TSPAN5: variants seen among roughly 807,000 people sequenced by gnomAD.
The protein encoded by TSPAN5 is tetraspanin 5.
Under a neutral mutation model 37.1 loss-of-function variants are expected in TSPAN5, and 10 were observed. That is an observed-to-expected ratio of 0.27 (90% CI 0.17 to 0.46). The LOEUF (loss-of-function observed/expected upper bound fraction) is 0.46, where lower values mean the gene tolerates loss of function less well. TSPAN5 is among the 20% of genes least tolerant of loss of function. The pLI, the probability that TSPAN5 is intolerant of heterozygous loss-of-function variation, is 1.00. For missense variants in TSPAN5, 195 were observed against 326.6 expected (o/e 0.60, Z 3.11); for synonymous variants, 110 against 118.9 (o/e 0.93, Z 0.48).
intron 1 of TSPAN5, among the ~76,000 whole-genome samples, chr4:98,604,116 C>G (rs1197890529): frequency 6.6e-6 from 1 of 151,966 alleles, no homozygotes; most frequent in Non-Finnish European, 1.5e-5. Flanking sequence ...ATTTCAATCA[C>G]GCAGCACTGC....
intron 2 of TSPAN5, among the ~76,000 whole-genome samples, chr4:98,495,314 G>A (rs1480990194): frequency 1.7e-4 from 26 of 152,288 alleles, no homozygotes. Context: ...TGGATCAAGA[G>A]GTCAGGAGAT....
chr4:98,625,674 C>A (rs759357825), intron 1 of TSPAN5, among the ~76,000 whole-genome samples: 4 of 152,172 alleles, frequency 2.6e-5, no homozygotes, highest in Non-Finnish European at 2.9e-5. Context: ...TGGCTTCATC[C>A]GACCTACTCC....
chr4:98,536,813 C>A (rs1171694888), intron 1 of TSPAN5, among the ~76,000 whole-genome samples: 1 of 152,218 alleles, frequency 6.6e-6, no homozygotes, highest in Non-Finnish European at 1.5e-5. Flanking sequence ...ACCACCTACT[C>A]AAGCCTCAGC....
At chr4:98,577,719 C>T (rs1392463141) in intron 1 of TSPAN5, among the ~76,000 whole-genome samples, 1 of 152,166 alleles carries the variant, frequency 6.6e-6, no homozygotes, top group South Asian at 2.1e-4. Context: ...GGCTCCAGAG[C>T]CTGACTCTTT....
At chr4:98,650,779 G>A (rs1757170480) in intron 1 of TSPAN5, among the ~76,000 whole-genome samples, 1 of 152,190 alleles carries the variant, frequency 6.6e-6, no homozygotes, top group Admixed American at 6.5e-5. Context: ...GATGACACAG[G>A]TAAATCACAA....
chr4:98,502,989 T>C (rs1753388264), intron 2 of TSPAN5, among the ~76,000 whole-genome samples: 1 of 151,928 alleles, frequency 6.6e-6, no homozygotes, highest in South Asian at 2.1e-4. Flanking sequence ...CAGTCTGCCT[T>C]AGCAGAAGGA....
chr4:98,643,310 C>T (rs1424104157), intron 1 of TSPAN5, among the ~76,000 whole-genome samples: 1 of 152,102 alleles, frequency 6.6e-6, no homozygotes, highest in Non-Finnish European at 1.5e-5. Context: ...AGGCTACACA[C>T]CGTCTATGTT....
intron 1 of TSPAN5, among the ~76,000 whole-genome samples, chr4:98,536,155 A>G (rs4699344): frequency 0.78 from 118,487 of 152,114 alleles, 46,929 homozygotes; most frequent in African/African-American, 0.93. Flanking sequence ...GTTTCTCCCC[A>G]TCTTTGTGGA....
At chr4:98,565,922 G>A (rs1425468613) in intron 1 of TSPAN5, among the ~76,000 whole-genome samples, 1 of 152,146 alleles carries the variant, frequency 6.6e-6, no homozygotes, top group Non-Finnish European at 1.5e-5. Flanking sequence ...GCCTCTGCAG[G>A]CACAGATCAT....
At chr4:98,492,075 G>T (rs547359312) in intron 2 of TSPAN5, among the ~76,000 whole-genome samples, 7 of 152,242 alleles carry the variant, frequency 4.6e-5, no homozygotes, top group Non-Finnish European at 1.0e-4. Context: ...CCTCCTCCTT[G>T]TAAGGATGCC....
intron 1 of TSPAN5, among the ~76,000 whole-genome samples, chr4:98,603,232 C>T (rs1380507010): frequency 6.6e-6 from 1 of 152,198 alleles, no homozygotes; most frequent in Non-Finnish European, 1.5e-5. Context: ...ATTTTACCTA[C>T]TAGTTCCTTT....
chr4:98,552,592 A>G (rs1428361068), intron 1 of TSPAN5, among the ~76,000 whole-genome samples: 2 of 152,216 alleles, frequency 1.3e-5, no homozygotes, highest in Non-Finnish European at 2.9e-5. Flanking sequence ...CATTCCACCT[A>G]TCTCACATTA....
At chr4:98,491,199 T>C (rs1320952961) in intron 2 of TSPAN5, among the ~76,000 whole-genome samples, 1 of 152,194 alleles carries the variant, frequency 6.6e-6, no homozygotes, top group Non-Finnish European at 1.5e-5. Context: ...TGAGAACACT[T>C]TACATCCACT....
In TSPAN5 at chr4:98,609,536, G is replaced by T. The variant is rs1211735033; in HGVS notation, c.81+48610C>A. Among the ~76,000 whole-genome samples the T allele has an allele frequency of 5.3e-5, 8 of 152,324 alleles. No individual in the cohort carries two copies. The East Asian group carries it at 1.5e-3, about 29-fold the overall frequency. ...ACAGCCAGCAGCCCCTGTAACACAG[G>T]ACACAAGAGTGGAGCAGTGAAGGAA... On this transcript the variant is annotated intron_variant, in intron 1 of 7. Transcript: ENST00000305798.
chr4:98,526,248 T>C (rs1174611264), intron 1 of TSPAN5, among the ~76,000 whole-genome samples: 1 of 152,216 alleles, frequency 6.6e-6, no homozygotes, highest in African/African-American at 2.4e-5. Flanking sequence ...AATCTCCATT[T>C]AGAAGCCAGA....
chr4:98,635,645 C>T (rs144234850), intron 1 of TSPAN5, among the ~76,000 whole-genome samples: 124 of 152,000 alleles, frequency 8.2e-4, no homozygotes, highest in African/African-American at 2.7e-3. Context: ...AGGTGCTGAA[C>T]GGGGGAAAAA....
chr4:98,629,963 C>T (rs1046314840), intron 1 of TSPAN5, among the ~76,000 whole-genome samples: 7 of 152,182 alleles, frequency 4.6e-5, no homozygotes, highest in Admixed American at 4.6e-4. Flanking sequence ...TCTTGTCATA[C>T]TTACATAACC....
chr4:98,504,935 G>A (rs952560573), intron 2 of TSPAN5, among the ~76,000 whole-genome samples: 4 of 152,072 alleles, frequency 2.6e-5, no homozygotes, highest in African/African-American at 4.8e-5. Flanking sequence ...TGATCAAGGC[G>A]CCAAGATTTG....
intron 1 of TSPAN5, among the ~76,000 whole-genome samples, chr4:98,553,623 G>A (rs1554849): frequency 0.17 from 25,787 of 152,068 alleles, 2,502 homozygotes; most frequent in African/African-American, 0.26. Context: ...GGTAAGGTAC[G>A]CCTTTTATGT....
Sources: allele counts gnomAD v4.1 joint callset (sites outside exome capture counted in the v4.1 genomes callset), GRCh38; gene constraint gnomAD v4.1.1; transcripts MANE v1.5; gene names NCBI Gene and HGNC (gene_info 2026-07-23, HGNC 2026-07-21).